STOX2: variants seen among roughly 807,000 people sequenced by gnomAD.
The protein encoded by STOX2 is storkhead-box protein 2.
Under a neutral mutation model 60.9 loss-of-function variants are expected in STOX2, and 28 were observed. The observed-to-expected ratio is 0.46, with a 90% CI of 0.34 to 0.63. The LOEUF (loss-of-function observed/expected upper bound fraction) is 0.63, where lower values mean the gene tolerates loss of function less well. Among genes scored for constraint, STOX2 ranks in the 30% least tolerant of loss-of-function variants. STOX2 has a pLI of 0.01. For missense variants in STOX2, 1,024 were observed against 1,187.7 expected (o/e 0.86, Z 2.03); for synonymous variants, 472 against 463.9 (o/e 1.02, Z -0.22).
At chr4:183,834,180 AT>A (rs1321998934) in intron 1 of STOX2, among the ~76,000 whole-genome samples, 1 of 152,082 alleles carries the variant, frequency 6.6e-6, no homozygotes, top group Non-Finnish European at 1.5e-5. Flanking sequence ...TAAAGCATTC[AT>A]TGATCTTCCT....
chr4:183,834,827 T>C (rs894597894), intron 1 of STOX2, among the ~76,000 whole-genome samples: 10 of 152,218 alleles, frequency 6.6e-5, no homozygotes, highest in Non-Finnish European at 1.5e-4. Flanking sequence ...GGAACTGAGA[T>C]TCCTACCTCA....
chr4:183,960,016 G>A (rs1370863062), intron 1 of STOX2, among the ~76,000 whole-genome samples: 1 of 152,190 alleles, frequency 6.6e-6, no homozygotes, highest in African/African-American at 2.4e-5. Flanking sequence ...CATCCAACAT[G>A]CAAAACATAG....
intron 1 of STOX2, among the ~76,000 whole-genome samples, chr4:183,973,759 G>T (rs1732308082): frequency 6.6e-6 from 1 of 152,224 alleles, no homozygotes; most frequent in Non-Finnish European, 1.5e-5. Flanking sequence ...ACTTTGGGAG[G>T]CCGAGGTGGG....
intron 1 of STOX2, among the ~76,000 whole-genome samples, chr4:183,807,355 T>C (rs2111096938): frequency 7.1e-6 from 1 of 140,334 alleles, no homozygotes; most frequent in African/African-American, 2.6e-5. Context: ...CCAAAACAAA[T>C]TTTATTATGG....
At chr4:183,927,379 T>C (rs1442532878) in intron 1 of STOX2, among the ~76,000 whole-genome samples, 1 of 152,254 alleles carries the variant, frequency 6.6e-6, no homozygotes, top group East Asian at 1.9e-4. Flanking sequence ...ACAGCAATCT[T>C]TGATTTAATG....
chr4:183,987,665 A>C (rs902091322), intron 1 of STOX2: 1 of 152,198 alleles, frequency 6.6e-6, no homozygotes, highest in Non-Finnish European at 1.5e-5. Context: ...CAGCGGCAGA[A>C]GCCGCACTGG....
intron 1 of STOX2, among the ~76,000 whole-genome samples, chr4:183,940,530 C>T (rs1742726860): frequency 6.6e-6 from 1 of 152,164 alleles, no homozygotes; most frequent in African/African-American, 2.4e-5. Flanking sequence ...GATTTTTGCA[C>T]AATCCTGCTT....
chr4:183,869,795 C>T (rs889492506), intron 1 of STOX2, among the ~76,000 whole-genome samples: 8 of 152,180 alleles, frequency 5.3e-5, no homozygotes, highest in Admixed American at 1.3e-4. Context: ...TTTGGAAGTT[C>T]CCATATACTT....
intron 1 of STOX2, among the ~76,000 whole-genome samples, chr4:183,999,668 T>G (rs1733501830): frequency 1.3e-5 from 2 of 152,180 alleles, no homozygotes; most frequent in Non-Finnish European, 2.9e-5. Context: ...AGGCACCTGT[T>G]GGACTCTCCC....
chr4:183,847,552 A>G (rs573619076), intron 1 of STOX2, among the ~76,000 whole-genome samples: 2 of 152,326 alleles, frequency 1.3e-5, no homozygotes, highest in South Asian at 2.1e-4. Flanking sequence ...AAGAAACACA[A>G]TTATTGGAAA....
At chr4:184,013,607 A>G (rs556154156) in intron 3 of STOX2, among the ~76,000 whole-genome samples, 1 of 152,352 alleles carries the variant, frequency 6.6e-6, no homozygotes, top group South Asian at 2.1e-4. Context: ...ATTAGAAGCT[A>G]GGTGACAAAC....
At chr4:183,819,764 G>A (rs1447722825) in intron 1 of STOX2, among the ~76,000 whole-genome samples, 1 of 152,186 alleles carries the variant, frequency 6.6e-6, no homozygotes, top group African/African-American at 2.4e-5. Context: ...GGCTTGAACG[G>A]CATCGCCCCA....
At chr4:183,963,800 G>A (rs2111165041) in intron 1 of STOX2, among the ~76,000 whole-genome samples, 1 of 149,110 alleles carries the variant, frequency 6.7e-6, no homozygotes, top group African/African-American at 2.5e-5. Flanking sequence ...TTTTGAGACG[G>A]AGTCTCGCTC....
At chr4:184,000,797 A>G (rs1190040021) in intron 1 of STOX2, among the ~76,000 whole-genome samples, 3 of 152,212 alleles carry the variant, frequency 2.0e-5, no homozygotes, top group African/African-American at 7.2e-5. Flanking sequence ...GCCACGCAGC[A>G]TTGCGAACTT....
chr4:183,952,560 G>A (rs1033184500), intron 1 of STOX2, among the ~76,000 whole-genome samples: 1 of 152,102 alleles, frequency 6.6e-6, no homozygotes, highest in Admixed American at 6.5e-5. Flanking sequence ...AATCAAAAAG[G>A]AATTTGAAAA....
In STOX2 at chr4:183,886,547, C is replaced by T. The variant is rs755973951; in HGVS notation, c.364+88492C>T. 4.9e-4 allele frequency among the ~76,000 whole-genome samples: 75 copies of T among 152,188 alleles called. 3 individuals are homozygous for T. The highest frequency in any genetic ancestry group is 2.9e-3 in the Admixed American group (45 of 15,278). ...AAGGGGAAAAAAGCTAGTGTTTGAG[C>T]AATAACCATGTGTCTGCAGCTCCTG... On this transcript the variant is annotated intron_variant, in intron 1 of 2. Transcript: ENST00000513034.
intron 1 of STOX2, among the ~76,000 whole-genome samples, chr4:183,829,145 T>C (rs1361549172): frequency 6.6e-6 from 1 of 152,256 alleles, no homozygotes; most frequent in Non-Finnish European, 1.5e-5. Flanking sequence ...GCTCTTTTCC[T>C]ATCCAAAGAA....
intron 1 of STOX2, among the ~76,000 whole-genome samples, chr4:183,919,358 A>G (rs1348534590): frequency 6.6e-6 from 1 of 151,974 alleles, no homozygotes; most frequent in Non-Finnish European, 1.5e-5. Context: ...AGCGCGGTGG[A>G]GTGTGCTTGG....
chr4:183,934,955 GCA>G (rs1394548691), intron 1 of STOX2, among the ~76,000 whole-genome samples: 1 of 152,228 alleles, frequency 6.6e-6, no homozygotes, highest in Non-Finnish European at 1.5e-5. Context: ...GGTGCCTCAG[GCA>G]CAGTCATCGC....
Sources: gnomAD v4.1 joint callset for allele counts (sites outside exome capture counted in the v4.1 genomes callset) on GRCh38, gnomAD v4.1.1 for gene constraint, MANE v1.5 for transcripts, NCBI Gene and HGNC (gene_info 2026-07-23, HGNC 2026-07-21) for gene names.